CAST: variants seen among roughly 807,000 people sequenced by gnomAD.
The protein encoded by CAST is calpastatin, also known as MIR583 host.
CAST carries 76 observed loss-of-function variants against 119.6 expected under a neutral mutation model. The observed-to-expected ratio is 0.64, with a 90% CI of 0.53 to 0.77. The LOEUF is 0.77. Among genes scored for constraint, CAST ranks in the 30% least tolerant of loss-of-function variants. The probability of loss-of-function intolerance (pLI) is 0.00; values close to 1 mark genes in which losing one functional copy is unlikely to be tolerated. For missense variants in CAST, 953 were observed against 946.5 expected (o/e 1.01, Z -0.09); for synonymous variants, 319 against 331.6 (o/e 0.96, Z 0.41).
At chr5:96,115,726 GT>G in the CAST span, among the ~76,000 whole-genome samples, 1 of 152,240 alleles carries the variant, frequency 6.6e-6, no homozygotes, top group African/African-American at 2.4e-5. Context: ...TCAAATCATT[GT>G]TACAGTTTTC....
the CAST span, among the ~76,000 whole-genome samples, chr5:96,262,340 A>C: frequency 1.4e-4 from 21 of 152,156 alleles, no homozygotes; most frequent in Admixed American, 1.4e-3. Flanking sequence ...AAAACAGACT[A>C]TTCTCACTAT....
intron 1 of CAST, among the ~76,000 whole-genome samples, chr5:96,651,024 G>A (rs904082763): frequency 6.6e-6 from 1 of 152,076 alleles, no homozygotes. Context: ...GGATAATAGT[G>A]TGGGTAGATA....
At chr5:96,222,793 CAG>C in the CAST span, among the ~76,000 whole-genome samples, 4 of 152,062 alleles carry the variant, frequency 2.6e-5, no homozygotes, top group Non-Finnish European at 4.4e-5. Flanking sequence ...GTAAGTATAT[CAG>C]AGTGATACCT....
chr5:96,334,903 A>T, the CAST span, among the ~76,000 whole-genome samples: 73 of 152,320 alleles, frequency 4.8e-4, no homozygotes, highest in African/African-American at 1.7e-3. Flanking sequence ...TATAGAGGCA[A>T]ATGAGCATGA....
chr5:96,482,983 C>T, the CAST span, among the ~76,000 whole-genome samples: 2 of 152,126 alleles, frequency 1.3e-5, no homozygotes, highest in African/African-American at 4.8e-5. Flanking sequence ...GAGCTCTTGG[C>T]TCAGCCTACA....
chr5:96,063,497 A>G, the CAST span, among the ~76,000 whole-genome samples: 2 of 152,182 alleles, frequency 1.3e-5, no homozygotes, highest in Admixed American at 6.5e-5. Context: ...GTTGATCCCA[A>G]GGATACTTTC....
chr5:96,123,318 T>C, the CAST span, among the ~76,000 whole-genome samples: 3 of 152,176 alleles, frequency 2.0e-5, no homozygotes, highest in African/African-American at 7.2e-5. Flanking sequence ...GTGATCATTT[T>C]TCATCATTAT....
At chr5:96,721,151 G>A (rs1345594177) in intron 3 of CAST, among the ~76,000 whole-genome samples, 1 of 152,070 alleles carries the variant, frequency 6.6e-6, no homozygotes, top group African/African-American at 2.4e-5. Flanking sequence ...TATGAGAGAG[G>A]CCCTTCCATG....
At chr5:96,460,768 G>T in the CAST span, among the ~76,000 whole-genome samples, 2 of 152,078 alleles carry the variant, frequency 1.3e-5, no homozygotes, top group Non-Finnish European at 2.9e-5. Flanking sequence ...TTTTATACTT[G>T]TTTGAGGTGG....
chr5:96,300,726 A>T, the CAST span, among the ~76,000 whole-genome samples: 1 of 152,030 alleles, frequency 6.6e-6, no homozygotes. Context: ...TCTATCCATG[A>T]ACGTGGGATA....
At chr5:96,300,032 C>A in the CAST span, among the ~76,000 whole-genome samples, 2 of 152,036 alleles carry the variant, frequency 1.3e-5, no homozygotes, top group African/African-American at 2.4e-5. Flanking sequence ...GTATGGCTTG[C>A]AAATATTTTC....
the CAST span, chr5:96,393,512 TG>T: frequency 9.5e-7 from 1 of 1,055,782 alleles, no homozygotes; most frequent in Non-Finnish European, 1.4e-6. Context: ...AGTTCAAGAC[TG>T]GGAGCCACAT....
chr5:96,263,991 CAT>C, the CAST span, among the ~76,000 whole-genome samples: 1 of 152,212 alleles, frequency 6.6e-6, no homozygotes, highest in Non-Finnish European at 1.5e-5. Flanking sequence ...CTTCCCTTGA[CAT>C]GTGGAGATTA....
At chr5:96,180,227 T>TTACATTATATGTATACATTA in the CAST span, among the ~76,000 whole-genome samples, 2 of 152,208 alleles carry the variant, frequency 1.3e-5, no homozygotes, top group African/African-American at 4.8e-5. Context: ...TCTTATACAC[T>TTACATTATATGTATACATTA]TACATTTAAC....
the CAST span, among the ~76,000 whole-genome samples, chr5:96,418,199 G>T: frequency 6.6e-6 from 1 of 152,148 alleles, no homozygotes; most frequent in Non-Finnish European, 1.5e-5. Context: ...ACCTCCAAAC[G>T]TTGAGAGAAA....
intron 21 of CAST, 116 bp from the exon 22 acceptor site, chr5:96,754,542 A>G: frequency 2.9e-6 from 2 of 694,050 alleles, no homozygotes; most frequent in East Asian, 2.5e-5. Flanking sequence ...GCATACGGTC[A>G]TATGTACTTC....
chr5:96,289,905 T>C, the CAST span, among the ~76,000 whole-genome samples: 1 of 148,422 alleles, frequency 6.7e-6, no homozygotes, highest in African/African-American at 2.5e-5. Flanking sequence ...GACTACTATA[T>C]AATTTTGTTA....
At chr5:96,073,811 C>G in the CAST span, among the ~76,000 whole-genome samples, 2 of 152,162 alleles carry the variant, frequency 1.3e-5, no homozygotes, top group East Asian at 1.9e-4. Context: ...GCTCATGGAC[C>G]ACTACCGGTT....
chr5:96,079,089 T>TAAA, the CAST span: 1 of 382,602 alleles, frequency 2.6e-6, no homozygotes, highest in South Asian at 1.8e-5. Flanking sequence ...CACTTAAAGT[T>TAAA]AAAAAAAAAC....
Sources: gnomAD v4.1 joint callset for allele counts (sites outside exome capture counted in the v4.1 genomes callset) on GRCh38, gnomAD v4.1.1 for gene constraint, MANE v1.5 for transcripts, NCBI Gene and HGNC (gene_info 2026-07-23, HGNC 2026-07-21) for gene names.